Variants in NBN observed in about 807,000 individuals in gnomAD.
NBN encodes Nijmegen breakage syndrome 1 (nibrin).
In NBN, 88 loss-of-function variants were observed where a neutral mutation model predicts 90.8. The observed-to-expected ratio is 0.97, with a 90% CI of 0.82 to 1.16. The LOEUF is 1.16. NBN is among the 50% of genes most tolerant of loss of function. The pLI, the probability that NBN is intolerant of heterozygous loss-of-function variation, is 0.00. For synonymous variants in NBN, 328 were observed against 295.1 expected, an observed-to-expected ratio of 1.11 and a Z score of -1.14; for missense variants, 894 against 869.6, an observed-to-expected ratio of 1.03 and a Z score of -0.35.
chr8:89,972,804 T>C (rs1409006869), intron 5 of NBN, among the ~76,000 whole-genome samples: 1 of 152,200 alleles, frequency 6.6e-6, no homozygotes, highest in African/African-American at 2.4e-5. Flanking sequence ...AGTAAGGAAA[T>C]GTTTAACACA....
At chr8:89,958,892 G>A (rs2129747819) in intron 8 of NBN, 38 bp from the exon 9 acceptor site, 1 of 1,610,042 alleles carries the variant, frequency 6.2e-7, no homozygotes, top group South Asian at 1.1e-5. Flanking sequence ...AATCACAACT[G>A]CTAGATAGAA....
intron 1 of NBN, 110 bp downstream of exon 1, chr8:89,984,415 C>G: frequency 9.5e-7 from 1 of 1,050,726 alleles, no homozygotes; most frequent in Non-Finnish European, 1.4e-6. Flanking sequence ...CGACCGCTTC[C>G]GCAGCGTCCC....
At chr8:89,980,520 T>C (rs1335152262) in intron 4 of NBN, among the ~76,000 whole-genome samples, 2 of 151,982 alleles carry the variant, frequency 1.3e-5, no homozygotes, top group Non-Finnish European at 2.9e-5. Context: ...TGAAATATAA[T>C]TTTAGTTGCT....
intron 7 of NBN, 77 bp downstream of exon 7, chr8:89,970,287 A>G: frequency 1.6e-6 from 2 of 1,242,996 alleles, no homozygotes; most frequent in Non-Finnish European, 2.3e-6. Flanking sequence ...TTACATTGTT[A>G]GGTGAAAAGC....
intron 14 of NBN, among the ~76,000 whole-genome samples, chr8:89,939,752 G>A (rs1809855451): frequency 6.6e-6 from 1 of 152,190 alleles, no homozygotes; most frequent in South Asian, 2.1e-4. Flanking sequence ...CTGCTGGGAA[G>A]GGACTAATGG....
intron 11 of NBN, among the ~76,000 whole-genome samples, chr8:89,951,079 G>A (rs1413541134): frequency 1.3e-5 from 2 of 152,028 alleles, no homozygotes; most frequent in Non-Finnish European, 2.9e-5. Context: ...TTGGGAGGCC[G>A]AAGTGGGTGG....
intron 4 of NBN, among the ~76,000 whole-genome samples, chr8:89,978,572 A>G (rs893838089): frequency 3.3e-5 from 5 of 152,230 alleles, no homozygotes; most frequent in Non-Finnish European, 5.9e-5. Flanking sequence ...TATAATACTA[A>G]TTTTTAAAAC....
intron 1 of NBN, chr8:89,984,232 T>G (rs1475621026): frequency 1.9e-6 from 1 of 535,242 alleles, no homozygotes; most frequent in African/African-American, 2.0e-5. Context: ...GCCCTAGCGC[T>G]GCAACGGCGC....
At chr8:89,958,915 G>T in intron 8 of NBN, 61 bp from the exon 9 acceptor site, 4 of 1,597,114 alleles carry the variant, frequency 2.5e-6, no homozygotes, top group Non-Finnish European at 2.6e-6. Context: ...TGAACATCTG[G>T]TCACTTAAAA....
chr8:89,940,853 C>G (rs1809906787), intron 14 of NBN, among the ~76,000 whole-genome samples: 2 of 152,032 alleles, frequency 1.3e-5, no homozygotes, highest in Admixed American at 1.3e-4. Flanking sequence ...CTAACACTTC[C>G]CACTGTTATA....
intron 14 of NBN, chr8:89,937,298 C>T: frequency 1.8e-6 from 1 of 544,138 alleles, no homozygotes; most frequent in Non-Finnish European, 3.3e-6. Flanking sequence ...TTCTCCCACC[C>T]ATCTCCACTC....
chr8:89,971,378 G>A, intron 5 of NBN, 88 bp from the exon 6 acceptor site: 1 of 1,414,362 alleles, frequency 7.1e-7, no homozygotes, highest in South Asian at 1.3e-5. Flanking sequence ...ACACTCAAAA[G>A]GCATAATTTC....
intron 14 of NBN, among the ~76,000 whole-genome samples, chr8:89,941,706 G>A (rs545890818): frequency 3.3e-5 from 5 of 151,994 alleles, no homozygotes; most frequent in Non-Finnish European, 7.4e-5. Context: ...TGGGCTTTAG[G>A]TTTTCACATC....
intron 14 of NBN, among the ~76,000 whole-genome samples, chr8:89,937,828 GA>G (rs1809763215): frequency 6.6e-6 from 1 of 151,966 alleles, no homozygotes; most frequent in Admixed American, 6.6e-5. Context: ...ACACAAAAAA[GA>G]AAAAAGCAAA....
At chr8:89,980,085 C>T (rs1412538212) in intron 4 of NBN, among the ~76,000 whole-genome samples, 2 of 152,146 alleles carry the variant, frequency 1.3e-5, no homozygotes, top group African/African-American at 4.8e-5. Flanking sequence ...AAATCAATTT[C>T]ATAAATGTGC....
rs201335112 is a variant in NBN at position 89,957,111 on chromosome 8, AT to A, written c.1125-1557del. Among the ~76,000 whole-genome samples, 804 of 152,312 alleles carry A rather than the reference AT, an allele frequency of 5.3e-3. 11 individuals are homozygous for A. The highest frequency in any genetic ancestry group is 0.018 in the African/African-American group (730 of 41,548). On this transcript the variant is annotated intron_variant, in intron 9 of 15. Coordinates refer to ENST00000265433, the MANE Select transcript of NBN (RefSeq NM_002485.5). ...GAATGTACTCCTTCTTATAAAAAAA[AT>A]AACTTTAAAACAGTCTCAGGCAGTC...
intron 3 of NBN, 28 bp from the exon 4 acceptor site, chr8:89,980,921 T>C (rs1257033649): frequency 6.2e-7 from 1 of 1,604,944 alleles, no homozygotes; most frequent in Non-Finnish European, 8.5e-7. Flanking sequence ...TTAAATAAAG[T>C]CATAGTATCA....
intron 14 of NBN, among the ~76,000 whole-genome samples, chr8:89,942,805 A>G (rs1810009976): frequency 6.6e-6 from 1 of 152,208 alleles, no homozygotes; most frequent in South Asian, 2.1e-4. Flanking sequence ...TTGGAATTCC[A>G]GAAGGAGATA....
At position 89,982,874 on chromosome 8, in the gene NBN, T is replaced by TA. The variant is rs757737980; in HGVS notation, c.38-20dup. The TA allele has an allele frequency of 2.2e-5, 35 of 1,606,888 alleles. No homozygotes were observed. In the African/African-American group the frequency reaches 2.3e-4, roughly 10 times the overall value. ...GGTTCTCCTGAGATAAATTTTTTTT[T>TA]AAAAAAAGATAAGTTGATAGACACA... is the stretch of plus-strand genomic sequence containing the variant. On this transcript the variant is annotated intron_variant, in intron 1 of 15. Transcript: ENST00000265433.
Sources: allele counts gnomAD v4.1 joint callset (sites outside exome capture counted in the v4.1 genomes callset), GRCh38; gene constraint gnomAD v4.1.1; transcripts MANE v1.5; gene names NCBI Gene and HGNC (gene_info 2026-07-23, HGNC 2026-07-21).